The following STAB1 variants were observed in gnomAD, a reference collection of about 807,000 sequenced individuals.
The protein encoded by STAB1 is stabilin 1, also known as stabilin-1.
In STAB1, 250 loss-of-function variants were observed where a neutral mutation model predicts 332.4. That is an observed-to-expected ratio of 0.75 (90% CI 0.68 to 0.84). STAB1 has a LOEUF of 0.84. Among genes scored for constraint, STAB1 ranks in the 40% least tolerant of loss-of-function variants. The pLI is 0.00. For missense variants in STAB1, 3,249 were observed against 3,489.7 expected (o/e 0.93, Z 1.74); for synonymous variants, 1,475 against 1,390.4 (o/e 1.06, Z -1.35).
chr3:52,500,135 C>T (rs1009973491), intron 1 of STAB1, among the ~76,000 whole-genome samples: 4 of 152,142 alleles, frequency 2.6e-5, no homozygotes, highest in East Asian at 1.9e-4. Flanking sequence ...CCCAGGTTTA[C>T]GGAGCTCCTG....
At chr3:52,523,799 C>T in intron 66 of STAB1, 43 bp downstream of exon 66, 1 of 1,587,988 alleles carries the variant, frequency 6.3e-7, no homozygotes, top group Admixed American at 1.7e-5. Flanking sequence ...CTGGCACCCC[C>T]ACAACCTGTG....
chr3:52,508,584 C>A (rs183031914), intron 21 of STAB1: 3 of 532,334 alleles, frequency 5.6e-6, no homozygotes, highest in African/African-American at 1.9e-5. Flanking sequence ...CACTTTGAGA[C>A]GCTGAGGCGG....
Position 52,510,045 on chromosome 3 carries a change from G to A in STAB1, c.2523G>A (p.Glu841=). ...CHLHARCVSQ[E]GVARCRCLDG... ...TGCATGCCCGCTGTGTTAGCCAGGA[G>A]GGTGTTGCCAGGTGAGGACCCACAC... is the stretch of plus-strand genomic sequence containing the variant. Residue 841 remains glutamate (E), a synonymous_variant, in exon 23 of 69, where the codon GAG becomes GAA. Coordinates refer to ENST00000321725, the MANE Select transcript of STAB1 (RefSeq NM_015136.3). The A allele has an allele frequency of 1.9e-6, 3 of 1,609,644 alleles. No homozygotes were observed. The highest frequency in any genetic ancestry group is 1.3e-5 in the African/African-American group (1 of 75,014).
intron 65 of STAB1, 29 bp from the exon 66 acceptor site, chr3:52,523,623 C>A (rs755234163): frequency 5.0e-6 from 8 of 1,612,702 alleles, no homozygotes; most frequent in Non-Finnish European, 6.8e-6. Flanking sequence ...CCCTCGCTCA[C>A]AGTGGGCCTG....
intron 1 of STAB1, among the ~76,000 whole-genome samples, chr3:52,496,960 G>A (rs11710485): frequency 0.14 from 20,802 of 152,188 alleles, 1,745 homozygotes; most frequent in African/African-American, 0.23. Context: ...ACCCTGGATT[G>A]AAAATATTCA....
chr3:52,518,658 G>T, intron 47 of STAB1, 45 bp downstream of exon 47: 1 of 1,611,606 alleles, frequency 6.2e-7, no homozygotes, highest in Non-Finnish European at 8.5e-7. Context: ...GGGTGCTCTG[G>T]TGGTGGCCCT....
intron 18 of STAB1, among the ~76,000 whole-genome samples, chr3:52,507,148 G>A (rs1708936041): frequency 6.6e-6 from 1 of 152,210 alleles, no homozygotes; most frequent in Non-Finnish European, 1.5e-5. Context: ...GGGTTCAAGC[G>A]ATTCTCCTGC....
rs745344007 is a variant in STAB1 at position 52,504,728 on chromosome 3, T to G, written c.1240-11T>G. 1.2e-6 allele frequency: 2 copies of G among 1,613,648 alleles called. No homozygotes were observed. Among genetic ancestry groups the G allele is most frequent in the Non-Finnish European group, 1.7e-6 (2 of 1,180,014 alleles). ...CCCCGGCTCACTTTGCTCCCCGCCTTGCGTCTGCAGGCATCCCTTGCCCAG... is the reference window on the plus strand; with the variant it reads ...CCCCGGCTCACTTTGCTCCCCGCCTGGCGTCTGCAGGCATCCCTTGCCCAG... On this transcript the variant is annotated splice_polypyrimidine_tract_variant and intron_variant, in intron 11 of 68. Transcript: ENST00000321725.
chr3:52,506,636 C>A, intron 17 of STAB1, 56 bp from the exon 18 acceptor site: 1 of 1,534,792 alleles, frequency 6.5e-7, no homozygotes, highest in Non-Finnish European at 8.8e-7. Flanking sequence ...GGTGGGCAGC[C>A]CCACCGGGCC....
At chr3:52,513,328 C>T (rs1055508777) in intron 30 of STAB1, 87 bp downstream of exon 30, 45 of 1,351,624 alleles carry the variant, frequency 3.3e-5, no homozygotes, top group Middle Eastern at 2.6e-4. Flanking sequence ...ACATCAGGGG[C>T]CCCATGGGAT....
chr3:52,503,167 G>A, intron 7 of STAB1, 58 bp downstream of exon 7: 6 of 1,517,476 alleles, frequency 4.0e-6, no homozygotes, highest in Non-Finnish European at 4.5e-6. Context: ...GGCTGGGAGA[G>A]CATCCTTTAA....
intron 41 of STAB1, 52 bp downstream of exon 41, chr3:52,516,820 C>T (rs2078882601): frequency 6.3e-7 from 1 of 1,591,020 alleles, no homozygotes; most frequent in East Asian, 2.3e-5. Flanking sequence ...GGGTGGCTGT[C>T]CCCACAGAGC....
rs1029986973 is a variant in STAB1 at position 52,508,851 on chromosome 3, A to G, written c.2236-359A>G. On this transcript the variant is annotated intron_variant, in intron 21 of 68. Transcript: ENST00000321725. ...TAACAATAATAATAATAATAATAATAATAGATAGATAGATAGATTTTTTGG... is the reference window on the plus strand; with the variant it reads ...TAACAATAATAATAATAATAATAATGATAGATAGATAGATAGATTTTTTGG... Among the ~76,000 whole-genome samples, 235 of 81,850 alleles carry G rather than the reference A, an allele frequency of 2.9e-3. 1 individual carries two copies. The highest frequency in any genetic ancestry group is 4.8e-3 in the African/African-American group (112 of 23,576). The allele number at this position is 81,850 out of a possible 152,430, so 53.7% of individuals were successfully genotyped here. A position where few individuals can be genotyped will look rare whatever the true frequency, so the allele number is the denominator to read the frequency against.
At chr3:52,517,297 C>T (rs762575141) in intron 42 of STAB1, 23 bp from the exon 43 acceptor site, 3 of 1,542,576 alleles carry the variant, frequency 1.9e-6, no homozygotes, top group Admixed American at 4.2e-5. Flanking sequence ...GGGCCACCCC[C>T]ATCCCAGTGT....
intron 27 of STAB1, 61 bp from the exon 28 acceptor site, chr3:52,512,535 G>C: frequency 6.2e-7 from 1 of 1,613,276 alleles, no homozygotes; most frequent in Non-Finnish European, 8.5e-7. Context: ...AGGATCCATG[G>C]TGGGGAAGGG....
In STAB1 at chr3:52,503,851, TCTC is replaced by T; in HGVS notation, c.974_976del (p.Ser325del). 6.2e-7 allele frequency: 1 copy of T among 1,613,078 alleles called. No homozygotes were observed. Among genetic ancestry groups the T allele is most frequent in the Non-Finnish European group, 8.5e-7 (1 of 1,179,966 alleles). ...GGCTGCTTCGCCTTCTGCTCCCCCT[TCTC>T]CTGCGACCGGTCTGCCACTTGCCAG... On this transcript the variant is annotated inframe_deletion, in exon 9 of 69. Coordinates refer to ENST00000321725, the MANE Select transcript of STAB1 (RefSeq NM_015136.3).
At chr3:52,508,785 G>A (rs1011466931) in intron 21 of STAB1, among the ~76,000 whole-genome samples, 22 of 151,996 alleles carry the variant, frequency 1.4e-4, no homozygotes, top group Non-Finnish European at 2.9e-4. Context: ...TTGCACCACT[G>A]CACTCCAGCC....
At position 52,510,051 on chromosome 3, in the gene STAB1, T is replaced by G; in HGVS notation, c.2529T>G (p.Val843=). Residue 843 remains valine, a synonymous_variant, in exon 23 of 69, where the codon GTT becomes GTG. Transcript: ENST00000321725. ...CCCGCTGTGTTAGCCAGGAGGGTGT[T>G]GCCAGGTGAGGACCCACACCTTCTG... ...LHARCVSQEG[V]ARCRCLDGFE... is the part of the protein sequence containing the mutation. 6.2e-7 allele frequency: 1 copy of G among 1,610,230 alleles called. No individual in the cohort carries two copies. Among genetic ancestry groups the G allele is most frequent in the Middle Eastern group, 1.7e-4 (1 of 6,044 alleles).
Position 52,506,794 on chromosome 3 carries a change from A to ACCATCCTGC in STAB1, c.1946_1954dup (p.Ile649_Pro651dup), listed in dbSNP as rs913144277. 21 of 1,613,036 alleles carry ACCATCCTGC rather than the reference A, an allele frequency of 1.3e-5. No individual in the cohort carries two copies. Among genetic ancestry groups the ACCATCCTGC allele is most frequent in the Admixed American group, 3.3e-5 (2 of 60,006 alleles). ...GCTGGACGGCATCCTGCTGCCCCCG[A>ACCATCCTGC]CCATCCTGCCCATCCTGCCCAAGCA... On this transcript the variant is annotated inframe_insertion, in exon 18 of 69. Transcript: ENST00000321725.
Sources: allele counts gnomAD v4.1 joint callset (sites outside exome capture counted in the v4.1 genomes callset), GRCh38; gene constraint gnomAD v4.1.1; transcripts MANE v1.5; gene names NCBI Gene and HGNC (gene_info 2026-07-23, HGNC 2026-07-21).